The following NCOR1 variants were observed in gnomAD, a reference collection of about 807,000 sequenced individuals.
NCOR1 encodes the protein nuclear receptor corepressor 1.
In NCOR1, 63 loss-of-function variants were observed where a neutral mutation model predicts 288.1. The ratio of observed to expected loss-of-function variants is 0.22; its 90% CI spans 0.18 to 0.27. The LOEUF (loss-of-function observed/expected upper bound fraction) is 0.27. NCOR1 is among the 10% of genes least tolerant of loss of function. The probability of loss-of-function intolerance (pLI) is 1.00; values close to 1 mark genes in which losing one functional copy is unlikely to be tolerated. For missense variants in NCOR1, 2,397 were observed against 3,019.2 expected, an observed-to-expected ratio of 0.79 and a Z score of 4.83; for synonymous variants, 1,007 against 1,065.9, an observed-to-expected ratio of 0.94 and a Z score of 1.08.
At chr17:16,151,821 G>A in intron 8 of NCOR1, 125 bp downstream of exon 8, 1 of 967,020 alleles carries the variant, frequency 1.0e-6, no homozygotes, top group Non-Finnish European at 1.6e-6. Context: ...TAAAACGACA[G>A]CAAATTACAC....
intron 18 of NCOR1, among the ~76,000 whole-genome samples, chr17:16,114,453 AG>A (rs2071130034): frequency 2.0e-5 from 3 of 152,202 alleles, no homozygotes; most frequent in Admixed American, 6.5e-5. Flanking sequence ...CACTAATTTC[AG>A]CATTAACCCA....
intron 3 of NCOR1, among the ~76,000 whole-genome samples, chr17:16,180,465 T>A (rs1421044882): frequency 1.3e-5 from 2 of 152,128 alleles, no homozygotes; most frequent in Non-Finnish European, 2.9e-5. Context: ...CATAAAGATA[T>A]CTGGGGTGGG....
chr17:16,102,210 GTAATTT>G (rs1020840131), intron 19 of NCOR1, among the ~76,000 whole-genome samples: 1 of 152,134 alleles, frequency 6.6e-6, no homozygotes, highest in African/African-American at 2.4e-5. Context: ...AATCACATCT[GTAATTT>G]TAATTTTTCT....
chr17:16,033,337 A>C (rs1972802863), intron 45 of NCOR1, among the ~76,000 whole-genome samples: 2 of 106,160 alleles, frequency 1.9e-5, no homozygotes, highest in Non-Finnish European at 1.8e-5. Context: ...CTCCGTCTCC[A>C]AAAAAAAAAA....
intron 4 of NCOR1, among the ~76,000 whole-genome samples, chr17:16,171,312 T>C (rs545761749): frequency 2.0e-5 from 3 of 152,320 alleles, no homozygotes; most frequent in African/African-American, 7.2e-5. Flanking sequence ...TTTCCCAGTT[T>C]TCTATAAGTA....
At chr17:16,063,123 A>C (rs546149046) in intron 35 of NCOR1, among the ~76,000 whole-genome samples, 84 of 152,258 alleles carry the variant, frequency 5.5e-4, no homozygotes, top group African/African-American at 2.0e-3. Context: ...CAGGCTTCTC[A>C]GCAGTTTTCT....
At chr17:16,064,766 G>T in intron 34 of NCOR1, 104 bp downstream of exon 34, 3 of 1,176,204 alleles carry the variant, frequency 2.6e-6, no homozygotes, top group Non-Finnish European at 3.5e-6. Context: ...AGAAAAACAA[G>T]AAACCAAATG....
intron 4 of NCOR1, among the ~76,000 whole-genome samples, chr17:16,170,427 T>C (rs2082912698): frequency 6.6e-6 from 1 of 152,188 alleles, no homozygotes; most frequent in African/African-American, 2.4e-5. Context: ...ACTTTACTGT[T>C]AAGAGTTTTT....
intron 19 of NCOR1, among the ~76,000 whole-genome samples, chr17:16,107,085 C>T (rs1464123746): frequency 2.0e-5 from 3 of 150,946 alleles, no homozygotes; most frequent in Non-Finnish European, 4.4e-5. Flanking sequence ...TTAGTAGAGA[C>T]GGGGTTTCAC....
At position 16,188,465 on chromosome 17, in the gene NCOR1, G is replaced by T. The variant is rs970258745; in HGVS notation, c.109-1778C>A. ...TCTCCACTAAAAACACAAAAAATTA[G>T]CTGGGCGTGGTGGCGTGCTCCTGTA... On this transcript the variant is annotated intron_variant, in intron 2 of 45. Transcript: ENST00000268712. Among the ~76,000 whole-genome samples the T allele has an allele frequency of 4.6e-4, 69 of 151,572 alleles. 2 individuals carry two copies. The highest frequency in any genetic ancestry group is 4.5e-3 in the Admixed American group (69 of 15,208).
chr17:16,148,732 G>C (rs1016331576), intron 9 of NCOR1, among the ~76,000 whole-genome samples: 1 of 140,490 alleles, frequency 7.1e-6, no homozygotes, highest in Non-Finnish European at 1.5e-5. Flanking sequence ...TGATCAGACT[G>C]GCAAATTAGA....
chr17:16,063,418 A>G (rs529928288), intron 35 of NCOR1, among the ~76,000 whole-genome samples: 4 of 152,300 alleles, frequency 2.6e-5, no homozygotes, highest in African/African-American at 9.6e-5. Context: ...CCTGGCCTCA[A>G]GCAATCCTCC....
chr17:16,116,299 A>T (rs2071570464), intron 18 of NCOR1, among the ~76,000 whole-genome samples: 2 of 152,202 alleles, frequency 1.3e-5, no homozygotes, highest in Non-Finnish European at 2.9e-5. Flanking sequence ...TAACATCATG[A>T]AATGGCCATT....
rs905725018 is a variant in NCOR1 at position 16,100,633 on chromosome 17, C to T, written c.2690+617G>A. ...TCCAGCCTGGGGAAGAACGAGACTC[C>T]GTCTCAAAAAAAGAAAAAAAACTTG... On this transcript the variant is annotated intron_variant, in intron 20 of 45. Transcript: ENST00000268712. 5.3e-5 allele frequency among the ~76,000 whole-genome samples: 8 copies of T among 151,882 alleles called. No homozygotes were observed. The Middle Eastern group carries it at 0.01, about 194-fold the overall frequency.
chr17:16,163,824 G>GT (rs1479768028), intron 5 of NCOR1, among the ~76,000 whole-genome samples: 1 of 152,172 alleles, frequency 6.6e-6, no homozygotes, highest in Non-Finnish European at 1.5e-5. Context: ...GGCATATAAA[G>GT]TAATGAAGTG....
chr17:16,151,342 C>T lies in NCOR1; in HGVS notation c.842+604G>A, dbSNP rs371675599. ...TGGTACTAGGATGAGCAAGGCTAAG[C>T]AAACTACATTCTGGAGCAGCCTCGT... On this transcript the variant is annotated intron_variant, in intron 8 of 45. Transcript: ENST00000268712. Among the ~76,000 whole-genome samples the T allele has an allele frequency of 7.2e-5, 11 of 152,232 alleles. No individual in the cohort carries two copies. The East Asian group carries it at 1.5e-3, about 21-fold the overall frequency.
In NCOR1 at chr17:16,030,115, T is replaced by G. The variant is rs1387319162; in HGVS notation, c.*2181A>C. On this transcript the variant is annotated 3_prime_UTR_variant, in exon 46 of 46. Coordinates refer to ENST00000268712, the MANE Select transcript of NCOR1 (RefSeq NM_006311.4). ...TCGATTGACACATATTTTGTATATG[T>G]ATTATATACTGTATTCTTACAATAA... 8 of 182,416 alleles carry G rather than the reference T, an allele frequency of 4.4e-5. No individual in the cohort carries two copies. The highest frequency in any genetic ancestry group is 9.3e-5 in the Non-Finnish European group (8 of 85,726). 11.3% of individuals were successfully genotyped at this position (182,416 alleles called of 1,614,324 possible). A position where few individuals can be genotyped will look rare whatever the true frequency, so the allele number is the denominator to read the frequency against.
chr17:16,139,094 C>A lies in NCOR1; in HGVS notation c.1266G>T (p.Gly422=). The A allele has an allele frequency of 1.2e-6, 2 of 1,613,190 alleles. No homozygotes were observed. Among genetic ancestry groups the A allele is most frequent in the Non-Finnish European group, 1.7e-6 (2 of 1,179,476 alleles). ...ACACTTTCATAGGGTCCTCCATAAG[C>A]CCATTCATGTTAATGAACTTGACTC... ...QRRVKFINMN[G]LMEDPMKVYK... Residue 422 remains glycine, a synonymous_variant, in exon 12 of 46, where the codon GGG becomes GGT. Transcript: ENST00000268712.
rs200456340 is a variant in NCOR1 at position 16,048,666 on chromosome 17, TTC to T, written c.6536+177_6536+178del. ...ATTTAAATATGATATTATAAATATT[TTC>T]TTTTTGCTAAAATACACTAGCATTA... On this transcript the variant is annotated intron_variant, in intron 41 of 45. Transcript: ENST00000268712. Among the ~76,000 whole-genome samples, 965 of 152,306 alleles carry T rather than the reference TTC, an allele frequency of 6.3e-3. 18 individuals carry two copies. Among genetic ancestry groups the T allele is most frequent in the African/African-American group, 0.022 (897 of 41,546 alleles).
Sources: allele counts gnomAD v4.1 joint callset (sites outside exome capture counted in the v4.1 genomes callset), GRCh38; gene constraint gnomAD v4.1.1; transcripts MANE v1.5; gene names NCBI Gene and HGNC (gene_info 2026-07-23, HGNC 2026-07-21).